The following ATP8A1 variants were observed in gnomAD, a reference collection of about 807,000 sequenced individuals.
The protein encoded by ATP8A1 is phospholipid-transporting ATPase IA.
Under a neutral mutation model 177.7 loss-of-function variants are expected in ATP8A1, and 90 were observed. The observed-to-expected ratio is 0.51, with a 90% CI of 0.43 to 0.60. The LOEUF is 0.60. Ranked by LOEUF, ATP8A1 falls within the 20% of genes least tolerant of loss-of-function variation. The pLI, the probability that ATP8A1 is intolerant of heterozygous loss-of-function variation, is 0.00. For synonymous variants in ATP8A1, 493 were observed against 485.9 expected (o/e 1.01, Z -0.19); for missense variants, 1,072 against 1,392.8 (o/e 0.77, Z 3.67).
At chr4:42,623,787 C>T (rs1210957580) in intron 4 of ATP8A1, among the ~76,000 whole-genome samples, 1 of 152,066 alleles carries the variant, frequency 6.6e-6, no homozygotes, top group Non-Finnish European at 1.5e-5. Context: ...ATGAAATAAT[C>T]TGTACAATAA....
intron 25 of ATP8A1, among the ~76,000 whole-genome samples, chr4:42,479,805 G>C (rs1293442231): frequency 6.6e-6 from 1 of 152,162 alleles, no homozygotes; most frequent in African/African-American, 2.4e-5. Context: ...GGAAATCAAG[G>C]TAGCAGTTAT....
At chr4:42,556,263 A>G (rs1730223233) in intron 15 of ATP8A1, 2 of 360,130 alleles carry the variant, frequency 5.6e-6, no homozygotes, top group Non-Finnish European at 5.0e-6. Context: ...GTAATGAAAA[A>G]TAGTATTTTA....
At chr4:42,610,454 C>T (rs1357515828) in intron 5 of ATP8A1, among the ~76,000 whole-genome samples, 3 of 151,864 alleles carry the variant, frequency 2.0e-5, no homozygotes, top group African/African-American at 7.3e-5. Flanking sequence ...AAATAAAAGA[C>T]AATGTGAGTG....
intron 12 of ATP8A1, among the ~76,000 whole-genome samples, chr4:42,577,794 A>AAT (rs1184494933): frequency 6.6e-6 from 1 of 152,168 alleles, no homozygotes; most frequent in Non-Finnish European, 1.5e-5. Context: ...TATCAGTAAG[A>AAT]ATTACAGTAT....
At chr4:42,527,234 G>A (rs528748063) in intron 20 of ATP8A1, among the ~76,000 whole-genome samples, 1 of 152,272 alleles carries the variant, frequency 6.6e-6, no homozygotes, top group African/African-American at 2.4e-5. Context: ...GACACAAGCT[G>A]TTATCATGCG....
chr4:42,435,461 A>C (rs55756170), intron 33 of ATP8A1, among the ~76,000 whole-genome samples: 50,325 of 120,468 alleles, frequency 0.42, 10,189 homozygotes, highest in Middle Eastern at 0.51. Flanking sequence ...AAAAAAAAAA[A>C]AACAAACTAT....
In ATP8A1 at chr4:42,437,801, T is replaced by C. The variant is rs528237062; in HGVS notation, c.3123+5764A>G. ...TGCCCACCAACTGAGAACAACCAACTCTCGGCTGGGTCTACAGTAACCAAG... is the reference window on the plus strand; with the variant it reads ...TGCCCACCAACTGAGAACAACCAACCCTCGGCTGGGTCTACAGTAACCAAG... On this transcript the variant is annotated intron_variant, in intron 33 of 36. Transcript: ENST00000381668. 1.6e-4 allele frequency among the ~76,000 whole-genome samples: 24 copies of C among 152,250 alleles called. No individual in the cohort carries two copies. The South Asian group carries it at 4.8e-3, about 30-fold the overall frequency.
chr4:42,535,335 C>T (rs1199907265), intron 20 of ATP8A1, among the ~76,000 whole-genome samples: 1 of 152,022 alleles, frequency 6.6e-6, no homozygotes. Flanking sequence ...CTAGACAAAA[C>T]AAACATAAAG....
At position 42,657,073 on chromosome 4, in the gene ATP8A1, G is replaced by A; in HGVS notation, c.-200C>T. ...GGAGAAAGGCAGCGGTGGCGGCGAA[G>A]GTGGCGGCGCCCGCAGAGCTGGGCG... On this transcript the variant is annotated 5_prime_UTR_variant, in exon 1 of 37. Transcript: ENST00000381668. 1 of 442,580 alleles carries A rather than the reference G, an allele frequency of 2.3e-6. No individual in the cohort carries two copies. Among genetic ancestry groups the A allele is most frequent in the South Asian group, 1.2e-4 (1 of 8,564 alleles). The allele number at this position is 442,580 out of a possible 1,614,324, so 27.4% of individuals were successfully genotyped here. A position where few individuals can be genotyped will look rare whatever the true frequency, so the allele number is the denominator to read the frequency against.
At chr4:42,453,331 T>C (rs926804689) in intron 29 of ATP8A1, among the ~76,000 whole-genome samples, 2 of 152,342 alleles carry the variant, frequency 1.3e-5, no homozygotes, top group African/African-American at 4.8e-5. Flanking sequence ...CAAACACTTA[T>C]ATGAGATTGA....
At chr4:42,559,868 G>A (rs1344360434) in intron 15 of ATP8A1, among the ~76,000 whole-genome samples, 2 of 152,078 alleles carry the variant, frequency 1.3e-5, no homozygotes, top group African/African-American at 2.4e-5. Context: ...ATCACTCTTG[G>A]CTAATTTTTG....
At chr4:42,611,842 G>A (rs1026290396) in intron 5 of ATP8A1, among the ~76,000 whole-genome samples, 1 of 152,170 alleles carries the variant, frequency 6.6e-6, no homozygotes, top group Non-Finnish European at 1.5e-5. Context: ...AGATATATTT[G>A]GCAGAACAAC....
At chr4:42,543,794 C>CA in intron 20 of ATP8A1, 123 bp downstream of exon 20, 1 of 661,228 alleles carries the variant, frequency 1.5e-6, no homozygotes, top group Non-Finnish European at 2.5e-6. Flanking sequence ...TATAAAACAC[C>CA]AACAAAAGTG....
chr4:42,551,965 A>C (rs16854502), intron 17 of ATP8A1, among the ~76,000 whole-genome samples: 3,652 of 152,274 alleles, frequency 0.024, 137 homozygotes, highest in African/African-American at 0.083. Context: ...AAACAGATCT[A>C]AAATTAAGCC....
rs571487536 is a variant in ATP8A1, at chr4:42,488,443, C to G, written c.2152-2775G>C. On this transcript the variant is annotated intron_variant, in intron 24 of 36. Coordinates refer to ENST00000381668, the MANE Select transcript of ATP8A1 (RefSeq NM_006095.2). ...AAACTTCAGACAGTACCAGGCGCAG[C>G]AAGTTAGAAATGGAATGCCCACACC... is the stretch of plus-strand genomic sequence containing the variant. 2.0e-5 allele frequency among the ~76,000 whole-genome samples: 3 copies of G among 152,164 alleles called. No homozygotes were observed. In the South Asian group the frequency reaches 6.2e-4, roughly 32 times the overall value.
intron 4 of ATP8A1, among the ~76,000 whole-genome samples, chr4:42,623,709 G>T (rs1010806248): frequency 6.6e-6 from 1 of 152,260 alleles, no homozygotes; most frequent in Admixed American, 6.5e-5. Flanking sequence ...GTGGAGGGTG[G>T]GAGGAGGGAG....
At chr4:42,534,820 A>C (rs531490201) in intron 20 of ATP8A1, among the ~76,000 whole-genome samples, 1 of 152,214 alleles carries the variant, frequency 6.6e-6, no homozygotes, top group South Asian at 2.1e-4. Context: ...TTCTCAGCAG[A>C]AACCCTGCAA....
chr4:42,547,541 A>G (rs564362281), intron 19 of ATP8A1, among the ~76,000 whole-genome samples: 1 of 152,344 alleles, frequency 6.6e-6, no homozygotes, highest in African/African-American at 2.4e-5. Flanking sequence ...GTGTGGTTTA[A>G]AAAACGTATC....
intron 6 of ATP8A1, 40 bp from the exon 7 acceptor site, chr4:42,590,924 A>AC (rs1734106687): frequency 6.5e-7 from 1 of 1,548,866 alleles, no homozygotes; most frequent in East Asian, 2.2e-5. Context: ...TGGCCAAAAA[A>AC]AAAAATGAAC....
Sources: allele counts gnomAD v4.1 joint callset (sites outside exome capture counted in the v4.1 genomes callset), GRCh38; gene constraint gnomAD v4.1.1; transcripts MANE v1.5; gene names NCBI Gene and HGNC (gene_info 2026-07-23, HGNC 2026-07-21).